MYO16: variants seen among roughly 807,000 people sequenced by gnomAD.
MYO16 encodes unconventional myosin-XVI.
A neutral mutation model predicts 205.3 loss-of-function variants in MYO16; 94 were observed. The observed-to-expected ratio is 0.46, with a 90% CI of 0.39 to 0.54. The LOEUF (loss-of-function observed/expected upper bound fraction) is 0.54, where lower values mean the gene tolerates loss of function less well. Among genes scored for constraint, MYO16 ranks in the 20% least tolerant of loss-of-function variants. The pLI is 0.00. For missense variants in MYO16, 2,315 were observed against 2,387.5 expected, an observed-to-expected ratio of 0.97 and a Z score of 0.63; for synonymous variants, 988 against 954.0, an observed-to-expected ratio of 1.04 and a Z score of -0.66.
upstream of MYO16, among the ~76,000 whole-genome samples, chr13:108,594,082 C>T (rs1252387309): frequency 6.6e-6 from 1 of 152,182 alleles, no homozygotes; most frequent in Non-Finnish European, 1.5e-5. Context: ...ACACGGGCTA[C>T]CCAAGACACC....
chr13:108,878,663 G>A lies in MYO16; in HGVS notation c.1426-4396G>A, dbSNP rs372831754. ...ACTTAAGCTGTCCATGGACAGCAAA[G>A]CTAAAAGAGTACACTGTAACACATG... On this transcript the variant is annotated intron_variant, in intron 12 of 34. Coordinates refer to ENST00000457511, the MANE Select transcript of MYO16 (RefSeq NM_001198950.3). Among the ~76,000 whole-genome samples, 7 of 152,226 alleles carry A rather than the reference G, an allele frequency of 4.6e-5. No homozygotes were observed. The East Asian group carries it at 9.6e-4, about 21-fold the overall frequency.
At chr13:108,968,493 G>C (rs534090089) in intron 20 of MYO16, among the ~76,000 whole-genome samples, 20 of 152,180 alleles carry the variant, frequency 1.3e-4, no homozygotes, top group African/African-American at 4.6e-4. Flanking sequence ...AGGCGTGGTG[G>C]TGCATCCCTG....
chr13:108,625,731 A>G (rs910855787), upstream of MYO16, among the ~76,000 whole-genome samples: 34 of 152,232 alleles, frequency 2.2e-4, no homozygotes, highest in Admixed American at 1.6e-3. Context: ...TTAAATTTGC[A>G]TAACAAAAAA....
At chr13:108,915,421 A>G (rs1369700806) in intron 16 of MYO16, among the ~76,000 whole-genome samples, 1 of 152,212 alleles carries the variant, frequency 6.6e-6, no homozygotes, top group Non-Finnish European at 1.5e-5. Context: ...AAACACAAAC[A>G]CAAATGCTTG....
chr13:108,875,025 G>C lies in MYO16; in HGVS notation c.1426-8034G>C, dbSNP rs372836470. 1.2e-4 allele frequency among the ~76,000 whole-genome samples: 19 copies of C among 152,098 alleles called. 1 individual carries two copies. In the South Asian group the frequency reaches 3.9e-3, roughly 32 times the overall value. On this transcript the variant is annotated intron_variant, in intron 12 of 34. Transcript: ENST00000457511. The stretch of plus-strand genomic sequence containing the variant: ...TGGCAGGATTCTGCAATCTGCTAGT[G>C]GTTTATGGAGAAATATAATGACCAG...
chr13:108,526,531 G>C, the MYO16 span, among the ~76,000 whole-genome samples: 1 of 152,170 alleles, frequency 6.6e-6, no homozygotes, highest in African/African-American at 2.4e-5. Context: ...CGTTGAAATA[G>C]AGCCTTTCAG....
At chr13:108,749,103 A>G (rs1594262121) in intron 4 of MYO16, among the ~76,000 whole-genome samples, 1 of 152,304 alleles carries the variant, frequency 6.6e-6, no homozygotes, top group South Asian at 2.1e-4. Flanking sequence ...TGTATACACT[A>G]TGGAATGGCT....
intron 7 of MYO16, among the ~76,000 whole-genome samples, chr13:108,810,993 G>C (rs1355284185): frequency 6.6e-6 from 1 of 152,138 alleles, no homozygotes; most frequent in Non-Finnish European, 1.5e-5. Context: ...TGAGCAATAA[G>C]TCTTTTGGTT....
the MYO16 span, among the ~76,000 whole-genome samples, chr13:108,584,652 C>T: frequency 1.3e-5 from 2 of 152,146 alleles, no homozygotes; most frequent in African/African-American, 2.4e-5. Flanking sequence ...CTTCCAGGAT[C>T]CAACATTCTA....
intron 2 of MYO16, among the ~76,000 whole-genome samples, chr13:108,692,206 C>T (rs1357960341): frequency 1.3e-5 from 2 of 152,194 alleles, no homozygotes; most frequent in Non-Finnish European, 2.9e-5. Context: ...GCTCTTGAGC[C>T]AGCACTTGCT....
In MYO16 at chr13:109,120,475, T is replaced by C; in HGVS notation, c.3535+9T>C. On this transcript the variant is annotated intron_variant, in intron 29 of 34. Transcript: ENST00000457511. ...TATAACCTGCCAAAAAGGTAACATT[T>C]ATATGCCAACATTTCTGAATTTATT... The C allele has an allele frequency of 6.3e-7, 1 of 1,583,880 alleles. No individual in the cohort carries two copies. The highest frequency in any genetic ancestry group is 8.6e-7 in the Non-Finnish European group (1 of 1,159,772).
upstream of MYO16, among the ~76,000 whole-genome samples, chr13:108,628,618 A>G (rs1879838825): frequency 6.6e-6 from 1 of 152,174 alleles, no homozygotes; most frequent in African/African-American, 2.4e-5. Context: ...TCACGCTACT[A>G]AAATGTGTTA....
chr13:108,530,195 G>A, the MYO16 span, among the ~76,000 whole-genome samples: 1 of 152,200 alleles, frequency 6.6e-6, no homozygotes, highest in Non-Finnish European at 1.5e-5. Context: ...GAAATCTAGA[G>A]AGAGAAGAAC....
In MYO16 at chr13:108,819,958, C is replaced by T. The variant is rs568403330; in HGVS notation, c.868-379C>T. 2.0e-5 allele frequency among the ~76,000 whole-genome samples: 3 copies of T among 152,088 alleles called. No homozygotes were observed. The East Asian group carries it at 5.8e-4, about 29-fold the overall frequency. On this transcript the variant is annotated intron_variant, in intron 7 of 34. Coordinates refer to ENST00000457511, the MANE Select transcript of MYO16 (RefSeq NM_001198950.3). ...GTACTTTGTTGTATTTTGCCTTTCA[C>T]GTTTTAAAGTTTCAGTGTAGTGATT...
Position 109,141,506 on chromosome 13 carries a change from A to C in MYO16, c.5164+130A>C. 1 of 594,828 alleles carries C rather than the reference A, an allele frequency of 1.7e-6. No individual in the cohort carries two copies. The highest frequency in any genetic ancestry group is 3.5e-5 in the East Asian group (1 of 28,804). The allele number at this position is 594,828 out of a possible 1,614,324, so 36.8% of individuals were successfully genotyped here. A position where few individuals can be genotyped will look rare whatever the true frequency, so the allele number is the denominator to read the frequency against. ...TGATGGCCGTGGTCGTTCAGAGCAG[A>C]TATCAGCTTTAAAAAAAAATCGTAT... On this transcript the variant is annotated intron_variant, in intron 32 of 34. Coordinates refer to ENST00000457511, the MANE Select transcript of MYO16 (RefSeq NM_001198950.3). This position sits in a 1 kb window ranked among gnomAD's most constrained non-coding sequence, Gnocchi z 4.1.
At chr13:108,588,415 A>T in the MYO16 span, among the ~76,000 whole-genome samples, 1 of 152,182 alleles carries the variant, frequency 6.6e-6, no homozygotes, top group Non-Finnish European at 1.5e-5. Context: ...TGGGGCATAC[A>T]TAAAACATCG....
the MYO16 span, among the ~76,000 whole-genome samples, chr13:108,569,627 T>C: frequency 0.01 from 1,564 of 152,276 alleles, 13 homozygotes; most frequent in Non-Finnish European, 0.015. Flanking sequence ...TTCCTCCAGA[T>C]ACCCTTTATT....
At chr13:108,653,850 A>C (rs967413940) in intron 1 of MYO16, among the ~76,000 whole-genome samples, 1 of 152,038 alleles carries the variant, frequency 6.6e-6, no homozygotes, top group South Asian at 2.1e-4. Context: ...GAAGCAGAGA[A>C]TGAAGAGTCA....
At chr13:109,151,174 C>T (rs562348409) in intron 32 of MYO16, among the ~76,000 whole-genome samples, 6 of 152,284 alleles carry the variant, frequency 3.9e-5, no homozygotes, top group Non-Finnish European at 7.4e-5. Context: ...CAAAATTTCA[C>T]GCCATCGAGA....
Sources: allele counts gnomAD v4.1 joint callset (sites outside exome capture counted in the v4.1 genomes callset), GRCh38; gene constraint gnomAD v4.1.1; non-coding constraint Gnocchi (gnomAD v3.1); transcripts MANE v1.5; gene names NCBI Gene and HGNC (gene_info 2026-07-23, HGNC 2026-07-21).